Variants in SNU13 observed in about 807,000 individuals in gnomAD.
SNU13 encodes small nuclear ribonucleoprotein 13, also known as NHP2-like protein 1.
A neutral mutation model predicts 12.4 loss-of-function variants in SNU13; 2 were observed. The ratio of observed to expected loss-of-function variants is 0.16; its 90% confidence interval spans 0.07 to 0.51. The LOEUF (loss-of-function observed/expected upper bound fraction) is 0.51, where lower values mean the gene tolerates loss of function less well. Ranked by LOEUF, SNU13 falls within the 20% of genes least tolerant of loss-of-function variation. SNU13 has a pLI of 0.96. For missense variants in SNU13, 66 were observed against 157.8 expected, an observed-to-expected ratio of 0.42 and a Z score of 3.12; for synonymous variants, 68 against 66.5, an observed-to-expected ratio of 1.02 and a Z score of -0.11.
intron 2 of SNU13, chr22:41,679,845 A>G: frequency 6.6e-6 from 1 of 152,510 alleles, no homozygotes; most frequent in Non-Finnish European, 1.5e-5. Flanking sequence ...AAAAAAAGGG[A>G]GAGGGGTAGG....
At chr22:41,677,009 A>T (rs2068220591) in intron 2 of SNU13, among the ~76,000 whole-genome samples, 2 of 152,106 alleles carry the variant, frequency 1.3e-5, no homozygotes, top group Admixed American at 1.3e-4. Context: ...CTTTCATTAA[A>T]ACATCACCGT....
At chr22:41,683,666 C>T (rs902493495) in intron 1 of SNU13, among the ~76,000 whole-genome samples, 2 of 152,102 alleles carry the variant, frequency 1.3e-5, no homozygotes, top group South Asian at 2.1e-4. Flanking sequence ...GTGGGATTAA[C>T]GAGTCAAAAG....
At chr22:41,684,520 T>C (rs974957965) in intron 1 of SNU13, among the ~76,000 whole-genome samples, 1 of 152,240 alleles carries the variant, frequency 6.6e-6, no homozygotes, top group Admixed American at 6.5e-5. Flanking sequence ...TTCATTATTG[T>C]TCTGTTCTAT....
upstream of SNU13, chr22:41,688,984 G>C (rs902695684): frequency 3.8e-6 from 5 of 1,332,362 alleles, no homozygotes; most frequent in Non-Finnish European, 4.8e-6. Context: ...AACTGGCCCT[G>C]TGTCGAAGAA....
At chr22:41,688,682 A>C in intron 1 of SNU13, 112 bp downstream of exon 1, 2 of 1,445,358 alleles carry the variant, frequency 1.4e-6, no homozygotes, top group South Asian at 1.4e-5. Flanking sequence ...GTTAAGACCC[A>C]ACGCCGGCGG....
At chr22:41,683,734 A>C (rs2068285812) in intron 1 of SNU13, among the ~76,000 whole-genome samples, 1 of 152,184 alleles carries the variant, frequency 6.6e-6, no homozygotes, top group Non-Finnish European at 1.5e-5. Flanking sequence ...TATAGGGTTT[A>C]ACAACTTGCA....
intron 1 of SNU13, among the ~76,000 whole-genome samples, chr22:41,684,775 T>G (rs2068296813): frequency 6.6e-6 from 1 of 152,186 alleles, no homozygotes; most frequent in Non-Finnish European, 1.5e-5. Context: ...CTTGGGAAAC[T>G]GAGGCTGGGG....
intron 1 of SNU13, among the ~76,000 whole-genome samples, chr22:41,680,700 T>C (rs1177120620): frequency 6.6e-6 from 1 of 152,238 alleles, no homozygotes; most frequent in African/African-American, 2.4e-5. Flanking sequence ...AATCCATTTC[T>C]GTTTTTATTT....
rs1314627388 is a variant in SNU13, at chr22:41,674,572, C to T, written c.*361G>A. ...AATGCTGTTTAATTCCACCACACCC[C>T]GCACACAACAGGAAGCTAGTGGCTG... is the stretch of plus-strand genomic sequence containing the variant. On this transcript the variant is annotated 3_prime_UTR_variant, in exon 3 of 3. Coordinates refer to ENST00000401959, the MANE Select transcript of SNU13 (RefSeq NM_001003796.2). 1.6e-5 allele frequency: 4 copies of T among 255,984 alleles called. No individual in the cohort carries two copies. The highest frequency in any genetic ancestry group is 6.7e-5 in the African/African-American group (3 of 44,908). 15.9% of individuals were successfully genotyped at this position (255,984 alleles called of 1,614,324 possible). A position where few individuals can be genotyped will look rare whatever the true frequency, so the allele number is the denominator to read the frequency against.
rs1194563476 is a variant in SNU13, at chr22:41,688,833, C to T, written c.-37G>A. 1 of 1,567,826 alleles carries T rather than the reference C, an allele frequency of 6.4e-7. No homozygotes were observed. Among genetic ancestry groups the T allele is most frequent in the Non-Finnish European group, 8.7e-7 (1 of 1,148,164 alleles). On this transcript the variant is annotated 5_prime_UTR_variant, in exon 1 of 3. Coordinates refer to ENST00000401959, the MANE Select transcript of SNU13 (RefSeq NM_001003796.2). ...CGCGGGCTCAGCACTCCTAGGGGAGCGCAGCTGACGTTTCAGAAGCACTCG... is the reference window on the plus strand; with the variant it reads ...CGCGGGCTCAGCACTCCTAGGGGAGTGCAGCTGACGTTTCAGAAGCACTCG...
At chr22:41,682,321 T>C in intron 1 of SNU13, 1 of 1,591,074 alleles carries the variant, frequency 6.3e-7, no homozygotes, top group Non-Finnish European at 8.6e-7. Flanking sequence ...TCTCGGGAGG[T>C]GACCCGGAGA....
chr22:41,689,672 CA>C (rs905896776), upstream of SNU13, among the ~76,000 whole-genome samples: 1 of 145,448 alleles, frequency 6.9e-6, no homozygotes, highest in African/African-American at 2.6e-5. Context: ...GACTCCGTCT[CA>C]AAAAAAAGAA....
Position 41,688,838 on chromosome 22 carries a change from C to A in SNU13, c.-42G>T, listed in dbSNP as rs762194025. Reference sequence around the variant, plus strand: ...GCTCAGCACTCCTAGGGGAGCGCAGCTGACGTTTCAGAAGCACTCGCGTGC... The same window carrying A: ...GCTCAGCACTCCTAGGGGAGCGCAGATGACGTTTCAGAAGCACTCGCGTGC... On this transcript the variant is annotated 5_prime_UTR_variant, in exon 1 of 3. Coordinates refer to ENST00000401959, the MANE Select transcript of SNU13 (RefSeq NM_001003796.2). The A allele has an allele frequency of 5.1e-6, 8 of 1,567,292 alleles. No individual in the cohort carries two copies. Among genetic ancestry groups the A allele is most frequent in the Non-Finnish European group, 7.0e-6 (8 of 1,147,728 alleles).
At position 41,686,304 on chromosome 22, in the gene SNU13, C is replaced by CT. The variant is rs747241334; in HGVS notation, c.3+2489dup. ...ACTGATTTGGAGTTTATTCTTTTAT[C>CT]TTTTTTTTTTTTTTTTAAGAGACGG... is the stretch of plus-strand genomic sequence containing the variant. On this transcript the variant is annotated intron_variant, in intron 1 of 2. Transcript: ENST00000401959. Among the ~76,000 whole-genome samples, 565 of 138,538 alleles carry CT rather than the reference C, an allele frequency of 4.1e-3. 5 individuals carry two copies. Among genetic ancestry groups the CT allele is most frequent in the East Asian group, 0.032 (157 of 4,872 alleles). 90.9% of individuals were successfully genotyped at this position (138,538 alleles called of 152,430 possible).
chr22:41,688,997 A>G (rs2068337981), upstream of SNU13: 11 of 1,319,386 alleles, frequency 8.3e-6, no homozygotes, highest in Non-Finnish European at 1.1e-5. Flanking sequence ...TCGAAGAAGG[A>G]ACGTACTTTG....
At chr22:41,682,282 C>T (rs140276527) in intron 1 of SNU13, 1 of 1,485,828 alleles carries the variant, frequency 6.7e-7, no homozygotes, top group Non-Finnish European at 9.4e-7. Flanking sequence ...TTTTCTGACA[C>T]AGCGGGACCA....
chr22:41,684,833 A>AC (rs1333683378), intron 1 of SNU13, among the ~76,000 whole-genome samples: 11 of 152,022 alleles, frequency 7.2e-5, no homozygotes, highest in Non-Finnish European at 1.5e-4. Flanking sequence ...ACACAGTGAG[A>AC]CCCCCATCTC....
chr22:41,684,104 C>T (rs1365332196), intron 1 of SNU13, among the ~76,000 whole-genome samples: 1 of 151,996 alleles, frequency 6.6e-6, no homozygotes, highest in African/African-American at 2.4e-5. Context: ...TGGGTTTTGC[C>T]ATGTTGGCCA....
Position 41,680,375 on chromosome 22 carries a change from G to A in SNU13, c.4-11C>T. The A allele has an allele frequency of 1.2e-6, 2 of 1,602,226 alleles. No homozygotes were observed. The highest frequency in any genetic ancestry group is 1.1e-5 in the South Asian group (1 of 89,318). ...CACATCAGCCTCAGTCTATGGGGGG[G>A]ACATAAAAATATCAGACAAATTGAG... On this transcript the variant is annotated splice_polypyrimidine_tract_variant and intron_variant, in intron 1 of 2. Coordinates refer to ENST00000401959, the MANE Select transcript of SNU13 (RefSeq NM_001003796.2).
Sources: gnomAD v4.1 joint callset for allele counts (sites outside exome capture counted in the v4.1 genomes callset) on GRCh38, gnomAD v4.1.1 for gene constraint, MANE v1.5 for transcripts, NCBI Gene and HGNC (gene_info 2026-07-23, HGNC 2026-07-21) for gene names.